The following ANKS1B variants were observed in gnomAD, a reference collection of about 807,000 sequenced individuals.
The protein encoded by ANKS1B is ankyrin repeat and sterile alpha motif domain-containing protein 1B.
A neutral mutation model predicts 148.3 loss-of-function variants in ANKS1B; 36 were observed. The observed-to-expected ratio is 0.24, with a 90% CI of 0.19 to 0.32. The LOEUF is 0.32. Ranked by LOEUF, ANKS1B falls within the 10% of genes least tolerant of loss-of-function variation. ANKS1B has a pLI of 1.00. For synonymous variants in ANKS1B, 542 were observed against 560.8 expected (o/e 0.97, Z 0.47); for missense variants, 1,157 against 1,542.6 (o/e 0.75, Z 4.19).
intron 9 of ANKS1B, among the ~76,000 whole-genome samples, chr12:99,567,571 C>A (rs2373011): frequency 2.6e-5 from 4 of 151,850 alleles, no homozygotes; most frequent in Non-Finnish European, 5.9e-5. Context: ...AGTAAAGAAT[C>A]TTGACACTAG....
intron 11 of ANKS1B, among the ~76,000 whole-genome samples, chr12:99,425,859 C>T (rs1323834975): frequency 1.3e-5 from 2 of 148,636 alleles, no homozygotes; most frequent in Non-Finnish European, 3.1e-5. Flanking sequence ...GCATTAGTTA[C>T]TTGTTTTCTA....
At chr12:99,837,722 C>T (rs946333088) in intron 1 of ANKS1B, among the ~76,000 whole-genome samples, 3 of 152,146 alleles carry the variant, frequency 2.0e-5, no homozygotes, top group Admixed American at 6.6e-5. Flanking sequence ...ACATTAACCA[C>T]TACATTATAC....
intron 25 of ANKS1B, among the ~76,000 whole-genome samples, chr12:98,769,971 G>T (rs2098545757): frequency 6.6e-6 from 1 of 152,136 alleles, no homozygotes; most frequent in Admixed American, 6.5e-5. Flanking sequence ...TTTCGTAATG[G>T]CAGTAGGAAA....
chr12:99,780,133 G>A (rs565140855), intron 5 of ANKS1B, among the ~76,000 whole-genome samples, 161 bp from the exon 6 acceptor site: 5 of 150,992 alleles, frequency 3.3e-5, no homozygotes, highest in East Asian at 1.9e-4. Flanking sequence ...ACACACATGC[G>A]CACACACACA....
At chr12:99,636,830 A>G (rs549422160) in intron 9 of ANKS1B, among the ~76,000 whole-genome samples, 1 of 152,372 alleles carries the variant, frequency 6.6e-6, no homozygotes, top group Admixed American at 6.5e-5. Flanking sequence ...ATTTCCAAAT[A>G]TGGCATCCAC....
rs529297175 is a variant in ANKS1B at position 99,343,841 on chromosome 12, A to G, written c.1756+55790T>C. 8 of 152,096 alleles carry G rather than the reference A, an allele frequency of 5.3e-5. No individual in the cohort carries two copies. In the East Asian group the frequency reaches 1.4e-3, roughly 26 times the overall value. 9.4% of individuals were successfully genotyped at this position (152,096 alleles called of 1,614,324 possible). ...AATTACTCCTGAAACTGTCACAGTG[A>G]CCTTTTAGTTGCTACATGCAGCGGG... On this transcript the variant is annotated intron_variant, in intron 12 of 26. Transcript: ENST00000683438.
At chr12:99,656,226 T>C (rs2153446951) in intron 8 of ANKS1B, among the ~76,000 whole-genome samples, 1 of 152,226 alleles carries the variant, frequency 6.6e-6, no homozygotes, top group South Asian at 2.1e-4. Flanking sequence ...ATATTTGCAT[T>C]AGACAACATG....
At chr12:99,439,776 C>G (rs910021138) in intron 11 of ANKS1B, among the ~76,000 whole-genome samples, 1 of 151,624 alleles carries the variant, frequency 6.6e-6, no homozygotes, top group Admixed American at 6.6e-5. Flanking sequence ...CCCTGTGATC[C>G]AACAATGCCA....
intron 1 of ANKS1B, among the ~76,000 whole-genome samples, chr12:99,866,110 A>G (rs906937373): frequency 7.2e-5 from 11 of 152,308 alleles, no homozygotes; most frequent in Admixed American, 2.0e-4. Context: ...CCTGGTCACT[A>G]GCTTTTACCT....
chr12:99,746,902 C>T (rs1402976493), intron 8 of ANKS1B, among the ~76,000 whole-genome samples: 2 of 152,086 alleles, frequency 1.3e-5, no homozygotes, highest in African/African-American at 4.8e-5. Context: ...TAATCCTCAC[C>T]CTCAGACTCT....
chr12:99,134,645 T>TCTCA (rs1380319841), intron 15 of ANKS1B, among the ~76,000 whole-genome samples: 1,095 of 104,910 alleles, frequency 0.01, 3 homozygotes, highest in South Asian at 0.016. Context: ...TCTCTCTCTC[T>TCTCA]CACACACACA....
At position 99,655,227 on chromosome 12, in the gene ANKS1B, A is replaced by G. The variant is rs748124529; in HGVS notation, c.1129-17T>C. ...TGAGGTTCTCTGAAATTAAATTTAT[A>G]TCATACCAATATATTATATCAATGA... is the stretch of plus-strand genomic sequence containing the variant. On this transcript the variant is annotated splice_polypyrimidine_tract_variant and intron_variant, in intron 8 of 26. Transcript: ENST00000683438. 12 of 1,557,480 alleles carry G rather than the reference A, an allele frequency of 7.7e-6. No individual in the cohort carries two copies. The highest frequency in any genetic ancestry group is 3.6e-5 in the Admixed American group (2 of 55,848).
At chr12:98,931,400 G>A (rs1447355090) in intron 17 of ANKS1B, among the ~76,000 whole-genome samples, 1 of 152,146 alleles carries the variant, frequency 6.6e-6, no homozygotes, top group Non-Finnish European at 1.5e-5. Context: ...GAATAAGAAA[G>A]GGGGGAAATA....
chr12:98,866,518 T>G (rs1396108594), intron 17 of ANKS1B, among the ~76,000 whole-genome samples: 1 of 152,234 alleles, frequency 6.6e-6, no homozygotes, highest in African/African-American at 2.4e-5. Context: ...CTCTCCCACC[T>G]GGCTCCAGCC....
At chr12:99,561,873 T>C (rs1484619197) in intron 9 of ANKS1B, among the ~76,000 whole-genome samples, 1 of 152,222 alleles carries the variant, frequency 6.6e-6, no homozygotes, top group Non-Finnish European at 1.5e-5. Flanking sequence ...TAATAGCAAG[T>C]AGAATGGTAA....
intron 14 of ANKS1B, among the ~76,000 whole-genome samples, chr12:99,195,571 T>A (rs1487025561): frequency 6.6e-6 from 1 of 152,070 alleles, no homozygotes; most frequent in East Asian, 1.9e-4. Context: ...GAAAGTAGAA[T>A]GTAGGGCAAA....
intron 10 of ANKS1B, among the ~76,000 whole-genome samples, chr12:99,471,534 T>C (rs529415254): frequency 4.6e-5 from 7 of 152,196 alleles, no homozygotes; most frequent in Non-Finnish European, 7.4e-5. Flanking sequence ...TGCAGAGCTA[T>C]GATGAGGAAC....
intron 10 of ANKS1B, among the ~76,000 whole-genome samples, chr12:99,465,510 G>A (rs1260566413): frequency 6.6e-6 from 1 of 152,020 alleles, no homozygotes; most frequent in Non-Finnish European, 1.5e-5. Flanking sequence ...ATTGGATAAA[G>A]AGTCAAGACC....
intron 12 of ANKS1B, among the ~76,000 whole-genome samples, chr12:99,326,166 T>C (rs1208341203): frequency 1.3e-5 from 2 of 152,046 alleles, no homozygotes; most frequent in Admixed American, 6.6e-5. Context: ...TTATGGGGAT[T>C]ATAATTCAAG....
Sources: gnomAD v4.1 joint callset for allele counts (sites outside exome capture counted in the v4.1 genomes callset) on GRCh38, gnomAD v4.1.1 for gene constraint, MANE v1.5 for transcripts, NCBI Gene and HGNC (gene_info 2026-07-23, HGNC 2026-07-21) for gene names.